Variants in USP46 observed in about 807,000 individuals in gnomAD.
USP46 encodes the protein ubiquitin specific peptidase 46, also known as ubiquitin carboxyl-terminal hydrolase 46.
Under a neutral mutation model 44.4 loss-of-function variants are expected in USP46, and 12 were observed. The ratio of observed to expected loss-of-function variants is 0.27; its 90% CI spans 0.17 to 0.44. USP46 has a LOEUF of 0.44. Ranked by LOEUF, USP46 falls within the 20% of genes least tolerant of loss-of-function variation. The pLI is 1.00. For missense variants in USP46, 248 were observed against 444.8 expected, an observed-to-expected ratio of 0.56 and a Z score of 3.98; for synonymous variants, 155 against 161.5, an observed-to-expected ratio of 0.96 and a Z score of 0.31.
chr4:52,656,280 C>A (rs1247514959), intron 1 of USP46: 2 of 1,551,044 alleles, frequency 1.3e-6, no homozygotes, highest in African/African-American at 2.7e-5. Context: ...TGAGAAGGGA[C>A]CTGTAAGACA....
intron 4 of USP46, 46 bp from the exon 5 acceptor site, chr4:52,610,663 T>C: frequency 6.3e-7 from 1 of 1,576,838 alleles, no homozygotes; most frequent in South Asian, 1.1e-5. Flanking sequence ...AAATATGTAG[T>C]AGATAAAACT....
In USP46 at chr4:52,592,926, T is replaced by G. The variant is rs1716081337; in HGVS notation, c.*4714A>C. 7.5e-6 allele frequency: 3 copies of G among 398,602 alleles called. No individual in the cohort carries two copies. 24.7% of individuals were successfully genotyped at this position (398,602 alleles called of 1,614,324 possible). On this transcript the variant is annotated 3_prime_UTR_variant, in exon 9 of 9. Transcript: ENST00000441222. The stretch of plus-strand genomic sequence containing the variant: ...CCATGTAAGATGGGCTTGCTTTCCC[T>G]TTGCCTTCTGCTGATTGTAAGTTTC...
chr4:52,592,991 A>C lies in USP46; in HGVS notation c.*4649T>G, dbSNP rs1021354024. 1.8e-5 allele frequency: 7 copies of C among 398,444 alleles called. No individual in the cohort carries two copies. Among genetic ancestry groups the C allele is most frequent in the Non-Finnish European group, 2.7e-5 (6 of 226,064 alleles). 24.7% of individuals were successfully genotyped at this position (398,444 alleles called of 1,614,324 possible). A position where few individuals can be genotyped will look rare whatever the true frequency, so the allele number is the denominator to read the frequency against. On this transcript the variant is annotated 3_prime_UTR_variant, in exon 9 of 9. Transcript: ENST00000441222. The stretch of plus-strand genomic sequence containing the variant: ...AGAACAGAAGCCTGTACAGCCCATA[A>C]AACCATGAGCCAATTAAACCTCTTT...
intron 8 of USP46, among the ~76,000 whole-genome samples, chr4:52,598,127 T>C (rs1716316496): frequency 6.6e-6 from 1 of 152,238 alleles, no homozygotes; most frequent in Admixed American, 6.5e-5. Context: ...AAATAGATCA[T>C]GTCTTTGAGT....
chr4:52,624,847 A>G (rs1717514621), intron 4 of USP46, among the ~76,000 whole-genome samples: 1 of 152,206 alleles, frequency 6.6e-6, no homozygotes, highest in African/African-American at 2.4e-5. Context: ...CAGCCAGAAG[A>G]CAGCTGTCTG....
intron 4 of USP46, among the ~76,000 whole-genome samples, chr4:52,616,355 C>T (rs1295001275): frequency 6.6e-6 from 1 of 151,746 alleles, no homozygotes; most frequent in Non-Finnish European, 1.5e-5. Context: ...CCCTTCCCTT[C>T]CCTTTTCCTT....
At chr4:52,604,076 T>C (rs576572363) in intron 6 of USP46, among the ~76,000 whole-genome samples, 1 of 152,324 alleles carries the variant, frequency 6.6e-6, no homozygotes, top group South Asian at 2.1e-4. Context: ...TGTCTCTAAA[T>C]AAGAGGTCCT....
intron 1 of USP46, among the ~76,000 whole-genome samples, chr4:52,653,495 CA>C (rs397880678): frequency 0.01 from 541 of 53,012 alleles, 7 homozygotes; most frequent in Admixed American, 0.061. Flanking sequence ...AACTCTATCT[CA>C]AAAAAAAAAA....
At chr4:52,653,758 A>T (rs1718854397) in intron 1 of USP46, among the ~76,000 whole-genome samples, 1 of 152,146 alleles carries the variant, frequency 6.6e-6, no homozygotes, top group Non-Finnish European at 1.5e-5. Flanking sequence ...TGGTTACCAA[A>T]TACCTTTCTG....
intron 8 of USP46, among the ~76,000 whole-genome samples, chr4:52,598,392 T>C (rs1319382228): frequency 6.6e-6 from 1 of 152,208 alleles, no homozygotes; most frequent in Non-Finnish European, 1.5e-5. Flanking sequence ...GATAGAGAGA[T>C]CCCATGTCTA....
At chr4:52,627,813 A>T in intron 3 of USP46, 137 bp downstream of exon 3, 1 of 995,334 alleles carries the variant, frequency 1.0e-6, no homozygotes. Flanking sequence ...GTTGTTTCTT[A>T]AAAAATGACA....
rs944486869 is a variant in USP46 at position 52,591,986 on chromosome 4, C to T, written c.*5654G>A. On this transcript the variant is annotated 3_prime_UTR_variant, in exon 9 of 9. Transcript: ENST00000441222. The stretch of plus-strand genomic sequence containing the variant: ...CTTTGTTTTTCAAAATGTGTTGTCC[C>T]TGAGCTAGAAGGCAGGCTGGGAAGA... The T allele has an allele frequency of 3.9e-5, 6 of 152,130 alleles. No homozygotes were observed. Among genetic ancestry groups the T allele is most frequent in the African/African-American group, 1.4e-4 (6 of 41,404 alleles). 9.4% of individuals were successfully genotyped at this position (152,130 alleles called of 1,614,324 possible).
chr4:52,617,203 TTC>T (rs1189856375), intron 4 of USP46, among the ~76,000 whole-genome samples: 1 of 152,242 alleles, frequency 6.6e-6, no homozygotes, highest in Non-Finnish European at 1.5e-5. Flanking sequence ...TTTTATTCAT[TTC>T]TGTTTCTAAT....
chr4:52,631,877 G>T (rs989656541), intron 1 of USP46, among the ~76,000 whole-genome samples: 2 of 152,030 alleles, frequency 1.3e-5, no homozygotes, highest in African/African-American at 4.8e-5. Context: ...GTGGTGGCAG[G>T]CATCTGTAAT....
At position 52,591,196 on chromosome 4, in the gene USP46, C is replaced by G. The variant is rs1715995029; in HGVS notation, c.*6444G>C. The G allele has an allele frequency of 6.6e-6, 1 of 152,166 alleles. No individual in the cohort carries two copies. Among genetic ancestry groups the G allele is most frequent in the Admixed American group, 6.5e-5 (1 of 15,268 alleles). 9.4% of individuals were successfully genotyped at this position (152,166 alleles called of 1,614,324 possible). A position where few individuals can be genotyped will look rare whatever the true frequency, so the allele number is the denominator to read the frequency against. ...ACGTTTATTTTCCATTTTCTTAGCA[C>G]AGAATGTTCTTTCCAGCAAGGTCCA... On this transcript the variant is annotated 3_prime_UTR_variant, in exon 9 of 9. Transcript: ENST00000441222.
intron 1 of USP46, among the ~76,000 whole-genome samples, chr4:52,632,974 A>AAGAG (rs1161519819): frequency 1.2e-5 from 1 of 81,854 alleles, no homozygotes; most frequent in Non-Finnish European, 2.3e-5. Flanking sequence ...GAAAGAAAGA[A>AAGAG]AGAAAGAAAG....
chr4:52,643,062 TTAAA>T (rs1291136288), intron 1 of USP46, among the ~76,000 whole-genome samples: 2 of 152,192 alleles, frequency 1.3e-5, no homozygotes, highest in African/African-American at 4.8e-5. Flanking sequence ...TGGCGATGAA[TTAAA>T]TAGAGGAACG....
chr4:52,642,315 G>A (rs987789664), intron 1 of USP46, among the ~76,000 whole-genome samples: 5 of 152,146 alleles, frequency 3.3e-5, no homozygotes, highest in African/African-American at 1.2e-4. Context: ...ACTCTATGAG[G>A]CAGACACTGC....
intron 1 of USP46, chr4:52,658,233 G>A (rs999234441): frequency 1.1e-5 from 5 of 455,970 alleles, no homozygotes; most frequent in Non-Finnish European, 1.8e-5. Flanking sequence ...CTGACAAGTG[G>A]AGGCGCCAGC....
Sources: allele counts gnomAD v4.1 joint callset (sites outside exome capture counted in the v4.1 genomes callset), GRCh38; gene constraint gnomAD v4.1.1; transcripts MANE v1.5; gene names NCBI Gene and HGNC (gene_info 2026-07-23, HGNC 2026-07-21).